The following DSCAM variants were observed in gnomAD, a reference collection of about 807,000 sequenced individuals.
DSCAM encodes DS cell adhesion molecule, also known as cell adhesion molecule DSCAM.
In DSCAM, 47 loss-of-function variants were observed where a neutral mutation model predicts 217.7. The observed-to-expected ratio is 0.22, with a 90% CI of 0.17 to 0.28. DSCAM has a LOEUF of 0.28. Among genes scored for constraint, DSCAM ranks in the 10% least tolerant of loss-of-function variants. DSCAM has a pLI of 1.00. For missense variants in DSCAM, 2,080 were observed against 2,618.3 expected (o/e 0.79, Z 4.49); for synonymous variants, 1,056 against 1,015.3 (o/e 1.04, Z -0.76).
chr21:40,117,509 A>G (rs1337571736), intron 20 of DSCAM, among the ~76,000 whole-genome samples: 1 of 152,202 alleles, frequency 6.6e-6, no homozygotes, highest in Non-Finnish European at 1.5e-5. Flanking sequence ...TTTCAGTATC[A>G]CTGAGTGAAG....
At chr21:40,126,557 C>G (rs1017081902) in intron 19 of DSCAM, among the ~76,000 whole-genome samples, 1 of 152,202 alleles carries the variant, frequency 6.6e-6, no homozygotes, top group African/African-American at 2.4e-5. Context: ...GAGCTCCAAT[C>G]TTTTCACCCA....
At chr21:40,839,585 T>C (rs1467948140) in intron 1 of DSCAM, among the ~76,000 whole-genome samples, 1 of 152,160 alleles carries the variant, frequency 6.6e-6, no homozygotes, top group Non-Finnish European at 1.5e-5. Flanking sequence ...TCTAGAATAT[T>C]CTGCAGAGAG....
chr21:40,548,228 G>T (rs965854166), intron 3 of DSCAM, among the ~76,000 whole-genome samples: 2 of 152,338 alleles, frequency 1.3e-5, no homozygotes, highest in East Asian at 3.9e-4. Flanking sequence ...TACAAGGCGA[G>T]TGTATTACTA....
intron 1 of DSCAM, among the ~76,000 whole-genome samples, chr21:40,723,027 G>A (rs759421297): frequency 6.6e-6 from 1 of 151,082 alleles, no homozygotes; most frequent in Non-Finnish European, 1.5e-5. Context: ...AAGCAAATCT[G>A]CTGGAATTAA....
At chr21:40,215,616 G>A (rs2091235893) in intron 11 of DSCAM, among the ~76,000 whole-genome samples, 1 of 152,064 alleles carries the variant, frequency 6.6e-6, no homozygotes, top group East Asian at 1.9e-4. Flanking sequence ...GTATGCCAAG[G>A]CATTCAGAGT....
chr21:40,073,194 T>C (rs760752036), intron 27 of DSCAM, among the ~76,000 whole-genome samples: 3 of 152,042 alleles, frequency 2.0e-5, no homozygotes, highest in Non-Finnish European at 4.4e-5. Flanking sequence ...AATAAAATAG[T>C]AGCTGAGAAG....
chr21:40,566,744 C>G (rs1271736088), intron 3 of DSCAM, among the ~76,000 whole-genome samples: 1 of 152,106 alleles, frequency 6.6e-6, no homozygotes, highest in African/African-American at 2.4e-5. Context: ...AAATATCCCC[C>G]CACCCACCAC....
In DSCAM at chr21:40,124,250, T is replaced by A; in HGVS notation, c.3641A>T (p.Lys1214Met). 6.2e-7 allele frequency: 1 copy of A among 1,613,864 alleles called. No homozygotes were observed. Among genetic ancestry groups the A allele is most frequent in the Non-Finnish European group, 8.5e-7 (1 of 1,179,988 alleles). ...MVFVSWLPPL[K>M]LNGIIRKYTV... Reference sequence around the variant, plus strand: ...GTACTTTCGGATGATGCCGTTCAGCTTGAGAGGGGGAAGCCAGGACACAAA... The same window carrying A: ...GTACTTTCGGATGATGCCGTTCAGCATGAGAGGGGGAAGCCAGGACACAAA... Residue 1214 changes from lysine (K) to methionine (M), a missense_variant, in exon 20 of 33, where the codon AAG becomes ATG. Physicochemically the swap from Lys to Met is moderately conservative, Grantham distance 95. Coordinates refer to ENST00000400454, the MANE Select transcript of DSCAM (RefSeq NM_001389.5).
Position 40,097,765 on chromosome 21 carries a change from C to A in DSCAM, c.3697-3891G>T, listed in dbSNP as rs543423327. On this transcript the variant is annotated intron_variant, in intron 20 of 32. Transcript: ENST00000400454. ...GACCATCCTAGCCAACGTGGTGAAACCCTGTCTCTACTAAAAACACAAAAA... is the reference window on the plus strand; with the variant it reads ...GACCATCCTAGCCAACGTGGTGAAAACCTGTCTCTACTAAAAACACAAAAA... Among the ~76,000 whole-genome samples the A allele has an allele frequency of 3.7e-3, 564 of 151,478 alleles. 4 individuals carry two copies. Among genetic ancestry groups the A allele is most frequent in the African/African-American group, 0.013 (529 of 41,308 alleles).
intron 3 of DSCAM, among the ~76,000 whole-genome samples, chr21:40,459,935 T>C (rs2075792994): frequency 6.6e-6 from 1 of 152,142 alleles, no homozygotes; most frequent in Non-Finnish European, 1.5e-5. Flanking sequence ...CCTATCGAAT[T>C]CATCAAATAA....
At chr21:40,683,799 A>T (rs1568983432) in intron 3 of DSCAM, among the ~76,000 whole-genome samples, 1 of 152,156 alleles carries the variant, frequency 6.6e-6, no homozygotes, top group East Asian at 1.9e-4. Context: ...GATCCTTTGA[A>T]CACTGGAGAG....
At chr21:40,196,925 C>T (rs1418070976) in intron 11 of DSCAM, among the ~76,000 whole-genome samples, 1 of 152,156 alleles carries the variant, frequency 6.6e-6, no homozygotes, top group African/African-American at 2.4e-5. Flanking sequence ...AAGTGAGACA[C>T]ATAGACAAAA....
At chr21:40,337,560 T>C (rs1210612045) in intron 8 of DSCAM, among the ~76,000 whole-genome samples, 1 of 152,124 alleles carries the variant, frequency 6.6e-6, no homozygotes, top group Non-Finnish European at 1.5e-5. Context: ...TCCTGACAGG[T>C]AGATTCCATG....
intron 8 of DSCAM, among the ~76,000 whole-genome samples, chr21:40,335,639 C>G (rs2074422818): frequency 6.6e-6 from 1 of 152,162 alleles, no homozygotes; most frequent in African/African-American, 2.4e-5. Flanking sequence ...ATCTTAAAAT[C>G]AGACAAAGGC....
At chr21:40,480,621 A>G (rs1246234031) in intron 3 of DSCAM, among the ~76,000 whole-genome samples, 3 of 152,222 alleles carry the variant, frequency 2.0e-5, no homozygotes, top group Non-Finnish European at 4.4e-5. Flanking sequence ...TTTACATGCT[A>G]CAATTTTGAT....
intron 3 of DSCAM, among the ~76,000 whole-genome samples, chr21:40,400,127 A>C (rs897557354): frequency 2.0e-5 from 3 of 152,150 alleles, no homozygotes; most frequent in Non-Finnish European, 4.4e-5. Flanking sequence ...AGCAGGTCTC[A>C]GGGCCCCTTT....
intron 29 of DSCAM, among the ~76,000 whole-genome samples, chr21:40,052,313 T>G (rs574261027): frequency 6.6e-6 from 1 of 152,270 alleles, no homozygotes; most frequent in East Asian, 1.9e-4. Flanking sequence ...TTCCTAGGGG[T>G]TGGCTTTGGG....
At chr21:40,567,273 C>T (rs1261713704) in intron 3 of DSCAM, among the ~76,000 whole-genome samples, 2 of 152,218 alleles carry the variant, frequency 1.3e-5, no homozygotes, top group African/African-American at 2.4e-5. Context: ...CCCGGTCTTC[C>T]ACCACCCATT....
chr21:40,574,550 G>A (rs566455306), intron 3 of DSCAM, among the ~76,000 whole-genome samples: 1 of 152,222 alleles, frequency 6.6e-6, no homozygotes, highest in South Asian at 2.1e-4. Flanking sequence ...ATTCCCCTTA[G>A]GGTTAGGAAC....
Sources: gnomAD v4.1 joint callset for allele counts (sites outside exome capture counted in the v4.1 genomes callset) on GRCh38, gnomAD v4.1.1 for gene constraint, MANE v1.5 for transcripts, NCBI Gene and HGNC (gene_info 2026-07-23, HGNC 2026-07-21) for gene names.